The following ZNF121 variants were observed in gnomAD, a reference collection of about 807,000 sequenced individuals.
ZNF121 encodes zinc finger protein 121.
In ZNF121, 1 loss-of-function variant was observed where a neutral mutation model predicts 2.4. The ratio of observed to expected loss-of-function variants is 0.41; its 90% CI spans 0.15 to 1.94. The LOEUF (loss-of-function observed/expected upper bound fraction) is 1.94. ZNF121 is among the 30% of genes most tolerant of loss of function. The pLI is 0.30. For synonymous variants in ZNF121, 173 were observed against 158.6 expected (o/e 1.09, Z -0.68); for missense variants, 369 against 466.3 (o/e 0.79, Z 1.92).
chr19:9,578,531 AC>A (rs1472514291), intron 1 of ZNF121, among the ~76,000 whole-genome samples: 5 of 151,996 alleles, frequency 3.3e-5, no homozygotes, highest in Non-Finnish European at 7.4e-5. Context: ...AGAACAGAGA[AC>A]CTAAATATAA....
At chr19:9,582,618 G>A (rs1209865471) in intron 1 of ZNF121, among the ~76,000 whole-genome samples, 1 of 151,996 alleles carries the variant, frequency 6.6e-6, no homozygotes, top group Non-Finnish European at 1.5e-5. Context: ...CCTGTTTGGT[G>A]GTCTCTTCAC....
Position 9,570,743 on chromosome 19 carries a change from AGG to A in ZNF121, c.-159-1663_-159-1662del, listed in dbSNP as rs34718575. On this transcript the variant is annotated intron_variant, in intron 1 of 3. Transcript: ENST00000320451. ...CACCACACTTGGCTAATTTTTTGCGAGGGGGGGGGGTATTTTTAGTACAGACG... is the reference window on the plus strand; with the variant it reads ...CACCACACTTGGCTAATTTTTTGCGAGGGGGGGGTATTTTTAGTACAGACG... Among the ~76,000 whole-genome samples, 180 of 145,718 alleles carry A rather than the reference AGG, an allele frequency of 1.2e-3. 2 individuals carry two copies. The highest frequency in any genetic ancestry group is 3.5e-3 in the South Asian group (16 of 4,576).
At chr19:9,583,057 C>CAAA (rs1326380773) in intron 1 of ZNF121, among the ~76,000 whole-genome samples, 3 of 122,146 alleles carry the variant, frequency 2.5e-5, no homozygotes, top group African/African-American at 9.7e-5. Context: ...ACTAAAAATA[C>CAAA]AAAAAAAAAA....
chr19:9,567,018 G>A lies in ZNF121; in HGVS notation c.95C>T (p.Thr32Ile). Residue 32 changes from threonine (T) to isoleucine (I), a missense_variant, in exon 4 of 4, where the codon ACT becomes ATT. Around this residue, in one of 4 missense-constraint regions of ZNF121, gnomAD observed 168 missense variants for 162.3 expected, o/e 1.03. Transcript: ENST00000320451. ...GTCATAAGTGTCCCCTGTATTTTCA[G>A]TTCCCATGTGTGCATTAAGGCATGA... Reference protein sequence around the residue: ...EHSCLNAHMGTENTGDTYDCD... With the variant: ...EHSCLNAHMGIENTGDTYDCD... The A allele has an allele frequency of 1.2e-6, 2 of 1,614,094 alleles. No individual in the cohort carries two copies. The highest frequency in any genetic ancestry group is 1.7e-6 in the Non-Finnish European group (2 of 1,180,024).
intron 1 of ZNF121, among the ~76,000 whole-genome samples, chr19:9,582,841 C>T (rs972901817): frequency 6.6e-6 from 1 of 151,258 alleles, no homozygotes; most frequent in Non-Finnish European, 1.5e-5. Flanking sequence ...GTCAAAACTA[C>T]ACTTAGTCTA....
At chr19:9,580,713 A>G (rs1326563964) in intron 1 of ZNF121, among the ~76,000 whole-genome samples, 2 of 152,218 alleles carry the variant, frequency 1.3e-5, no homozygotes, top group African/African-American at 4.8e-5. Context: ...CTGATCCAGC[A>G]GACCCAATGA....
Position 9,565,914 on chromosome 19 carries a change from A to C in ZNF121, c.*26T>G, listed in dbSNP as rs1419014813. On this transcript the variant is annotated 3_prime_UTR_variant, in exon 4 of 4. Coordinates refer to ENST00000320451, the MANE Select transcript of ZNF121 (RefSeq NM_001008727.5). ...TATGAGAAATTCCTAAAAGATTTCCACATTCCTTACATTCAGAGTTTTTCT... is the reference window on the plus strand; with the variant it reads ...TATGAGAAATTCCTAAAAGATTTCCCCATTCCTTACATTCAGAGTTTTTCT... 3.4e-6 allele frequency: 5 copies of C among 1,478,338 alleles called. No homozygotes were observed. The highest frequency in any genetic ancestry group is 1.8e-4 in the Middle Eastern group (1 of 5,600). 91.6% of individuals were successfully genotyped at this position (1,478,338 alleles called of 1,614,324 possible).
Position 9,563,050 on chromosome 19 carries a change from C to G in ZNF121, c.*2890G>C, listed in dbSNP as rs1187079276. On this transcript the variant is annotated 3_prime_UTR_variant, in exon 4 of 4. Coordinates refer to ENST00000320451, the MANE Select transcript of ZNF121 (RefSeq NM_001008727.5). Reference sequence around the variant, plus strand: ...AGCCTGGGCAAAAGGGAGACCATGTCTCAAAAAAAAAAAAAAAAAAAAAAC... The same window carrying G: ...AGCCTGGGCAAAAGGGAGACCATGTGTCAAAAAAAAAAAAAAAAAAAAAAC... 8.8e-6 allele frequency: 1 copy of G among 113,854 alleles called. No individual in the cohort carries two copies. 7.1% of individuals were successfully genotyped at this position (113,854 alleles called of 1,614,324 possible).
At chr19:9,577,355 C>G (rs1359504639) in intron 1 of ZNF121, among the ~76,000 whole-genome samples, 1 of 151,878 alleles carries the variant, frequency 6.6e-6, no homozygotes, top group African/African-American at 2.4e-5. Flanking sequence ...GAGGCTGAGG[C>G]AGGAGAATCA....
At chr19:9,568,735 G>GT (rs2074152414) in intron 2 of ZNF121, among the ~76,000 whole-genome samples, 1 of 152,102 alleles carries the variant, frequency 6.6e-6, no homozygotes, top group Non-Finnish European at 1.5e-5. Flanking sequence ...AACAGAAATA[G>GT]TATTAGGGAA....
At chr19:9,569,661 A>G (rs552268198) in intron 1 of ZNF121, among the ~76,000 whole-genome samples, 117 of 150,848 alleles carry the variant, frequency 7.8e-4, no homozygotes, top group Non-Finnish European at 1.5e-3. Flanking sequence ...CCTCGTGAGC[A>G]GCTGGGGTTA....
chr19:9,582,338 C>G (rs1313814083), intron 1 of ZNF121, among the ~76,000 whole-genome samples: 2 of 152,130 alleles, frequency 1.3e-5, no homozygotes, highest in African/African-American at 4.8e-5. Context: ...GATGACATTC[C>G]ACCATTGTGA....
Position 9,567,043 on chromosome 19 carries a change from A to G in ZNF121, c.70T>C (p.Ser24Pro). 6.2e-7 allele frequency: 1 copy of G among 1,614,054 alleles called. No individual in the cohort carries two copies. The highest frequency in any genetic ancestry group is 8.5e-7 in the Non-Finnish European group (1 of 1,180,018). Residue 24 changes from serine to proline, a missense_variant, in exon 4 of 4, where the codon TCA (serine) becomes CCA (proline). This residue lies in a region of ZNF121 where 168 missense variants were observed against 162.3 expected (regional missense o/e 1.03). Transcript: ENST00000320451. ...MENGEIFSEH[S>P]CLNAHMGTEN... ...GTTCCCATGTGTGCATTAAGGCATG[A>G]GTGTTCACTGAAGATTTCTCCATTT... is the stretch of plus-strand genomic sequence containing the variant.
At chr19:9,579,717 T>A (rs2074235826) in intron 1 of ZNF121, among the ~76,000 whole-genome samples, 1 of 152,096 alleles carries the variant, frequency 6.6e-6, no homozygotes, top group African/African-American at 2.4e-5. Flanking sequence ...TTAGAAGAAA[T>A]AAGAACTAGT....
chr19:9,575,848 G>A (rs1335023508), intron 1 of ZNF121, among the ~76,000 whole-genome samples: 1 of 152,094 alleles, frequency 6.6e-6, no homozygotes, highest in African/African-American at 2.4e-5. Context: ...GAGCACCTAA[G>A]TATATAAAGC....
Position 9,563,487 on chromosome 19 carries a change from A to T in ZNF121, c.*2453T>A, listed in dbSNP as rs1018424223. On this transcript the variant is annotated 3_prime_UTR_variant, in exon 4 of 4. Coordinates refer to ENST00000320451, the MANE Select transcript of ZNF121 (RefSeq NM_001008727.5). ...GATAAATGGCAGAGGTAGCTCTACTAGAGTTTTAACAGAGACAAAACAGCC... is the reference window on the plus strand; with the variant it reads ...GATAAATGGCAGAGGTAGCTCTACTTGAGTTTTAACAGAGACAAAACAGCC... The T allele has an allele frequency of 5.9e-5, 9 of 152,256 alleles. No homozygotes were observed. The highest frequency in any genetic ancestry group is 2.2e-4 in the African/African-American group (9 of 41,478). 9.4% of individuals were successfully genotyped at this position (152,256 alleles called of 1,614,324 possible). A position where few individuals can be genotyped will look rare whatever the true frequency, so the allele number is the denominator to read the frequency against.
chr19:9,573,134 C>A (rs2074185779), intron 1 of ZNF121, among the ~76,000 whole-genome samples: 1 of 152,114 alleles, frequency 6.6e-6, no homozygotes, highest in African/African-American at 2.4e-5. Flanking sequence ...CCACAAGAAA[C>A]AACAGCAAAT....
intron 1 of ZNF121, among the ~76,000 whole-genome samples, chr19:9,575,537 G>A (rs969017395): frequency 6.6e-6 from 1 of 152,102 alleles, no homozygotes; most frequent in African/African-American, 2.4e-5. Flanking sequence ...GAGGTCAGAA[G>A]TTCAAGACCA....
chr19:9,580,519 TC>T (rs2074241538), intron 1 of ZNF121, among the ~76,000 whole-genome samples: 1 of 151,502 alleles, frequency 6.6e-6, no homozygotes, highest in African/African-American at 2.4e-5. Context: ...TGGGGGTTTC[TC>T]AAAAAACTAA....
Sources: gnomAD v4.1 joint callset for allele counts (sites outside exome capture counted in the v4.1 genomes callset) on GRCh38, gnomAD v4.1.1 for gene constraint, gnomAD v4.1.1 regional missense constraint, MANE v1.5 for transcripts, NCBI Gene and HGNC (gene_info 2026-07-23, HGNC 2026-07-21) for gene names.